Variants in PCSK5 observed in about 807,000 individuals in gnomAD.
PCSK5 encodes the protein proprotein convertase subtilisin/kexin type 5.
PCSK5 carries 129 observed loss-of-function variants against 233.2 expected under a neutral mutation model. That is an observed-to-expected ratio of 0.55 (90% CI 0.48 to 0.64). The LOEUF is 0.64. Ranked by LOEUF, PCSK5 falls within the 30% of genes least tolerant of loss-of-function variation. The pLI is 0.00. For missense variants in PCSK5, 2,076 were observed against 2,430.1 expected (o/e 0.85, Z 3.06); for synonymous variants, 825 against 879.2 (o/e 0.94, Z 1.09).
intron 30 of PCSK5, among the ~76,000 whole-genome samples, chr9:76,312,673 A>G (rs1828897918): frequency 6.6e-6 from 1 of 152,212 alleles, no homozygotes; most frequent in Non-Finnish European, 1.5e-5. Flanking sequence ...AATCTAGTGT[A>G]GAAAGCCAAG....
chr9:76,213,609 G>A (rs1450268979), intron 20 of PCSK5, among the ~76,000 whole-genome samples: 1 of 151,974 alleles, frequency 6.6e-6, no homozygotes, highest in African/African-American at 2.4e-5. Context: ...AGTCTCCCTT[G>A]ACCAGGGTGA....
intron 8 of PCSK5, among the ~76,000 whole-genome samples, chr9:76,104,822 C>T (rs1352258876): frequency 9.1e-6 from 1 of 109,340 alleles, no homozygotes; most frequent in Non-Finnish European, 1.9e-5. Context: ...AAAACTTGGA[C>T]AAAGGAATGT....
chr9:76,222,114 A>G (rs1825746492), intron 20 of PCSK5, among the ~76,000 whole-genome samples: 1 of 152,118 alleles, frequency 6.6e-6, no homozygotes, highest in East Asian at 1.9e-4. Context: ...CATCTGCCAG[A>G]TGTCTCCCTT....
At chr9:76,262,866 G>A (rs1268008748) in intron 24 of PCSK5, among the ~76,000 whole-genome samples, 14 of 151,408 alleles carry the variant, frequency 9.2e-5, no homozygotes, top group South Asian at 6.3e-4. Flanking sequence ...GGAAATTTTC[G>A]CAACCTGCTC....
chr9:75,912,048 A>C (rs992788889), intron 1 of PCSK5, among the ~76,000 whole-genome samples: 2 of 152,172 alleles, frequency 1.3e-5, no homozygotes, highest in Non-Finnish European at 2.9e-5. Context: ...TAAGTCAGAT[A>C]GTGGTAAGTG....
At chr9:75,962,865 G>A (rs1209967820) in intron 2 of PCSK5, among the ~76,000 whole-genome samples, 1 of 152,164 alleles carries the variant, frequency 6.6e-6, no homozygotes, top group African/African-American at 2.4e-5. Flanking sequence ...ACCCAGAGCT[G>A]GTCCCCTCTT....
chr9:75,952,553 A>C (rs1423098532), intron 2 of PCSK5, among the ~76,000 whole-genome samples: 1 of 152,220 alleles, frequency 6.6e-6, no homozygotes, highest in Non-Finnish European at 1.5e-5. Context: ...CTACTACCAC[A>C]GTCAAGACAA....
intron 5 of PCSK5, among the ~76,000 whole-genome samples, chr9:76,030,439 G>A (rs1323207423): frequency 1.3e-5 from 2 of 152,098 alleles, no homozygotes; most frequent in Non-Finnish European, 2.9e-5. Context: ...CACAGTCAAA[G>A]ACACAATTGA....
At chr9:76,286,675 G>GAACATGGCAAGGCAATGTTCACC (rs1346237081) in intron 24 of PCSK5, 1 of 161,096 alleles carries the variant, frequency 6.2e-6, no homozygotes, top group African/African-American at 2.4e-5. Context: ...AATAGCAGTT[G>GAACATGGCAAGGCAATGTTCACC]AACATGGCAA....
At chr9:75,995,625 G>C (rs1826981824) in intron 3 of PCSK5, among the ~76,000 whole-genome samples, 3 of 152,000 alleles carry the variant, frequency 2.0e-5, no homozygotes, top group Non-Finnish European at 4.4e-5. Context: ...ATTTACAACT[G>C]TCCTGCTTGG....
At chr9:76,027,514 TAGA>T (rs1352105369) in intron 5 of PCSK5, among the ~76,000 whole-genome samples, 2 of 152,162 alleles carry the variant, frequency 1.3e-5, no homozygotes, top group Non-Finnish European at 2.9e-5. Flanking sequence ...CTGAAATACC[TAGA>T]AGGATTATTG....
intron 5 of PCSK5, among the ~76,000 whole-genome samples, chr9:76,031,838 G>A (rs1218965099): frequency 6.6e-6 from 1 of 152,074 alleles, no homozygotes; most frequent in Non-Finnish European, 1.5e-5. Context: ...TAAATAACTA[G>A]TTAAAAATTA....
intron 4 of PCSK5, among the ~76,000 whole-genome samples, chr9:76,025,131 C>G (rs184557199): frequency 6.6e-6 from 1 of 152,006 alleles, no homozygotes; most frequent in Admixed American, 6.6e-5. Context: ...CTTGATTTCC[C>G]GAAACATTTC....
At chr9:75,977,542 G>A (rs763169241) in intron 2 of PCSK5, among the ~76,000 whole-genome samples, 14 of 147,898 alleles carry the variant, frequency 9.5e-5, no homozygotes, top group Admixed American at 2.7e-4. Context: ...ATTTCCTCCC[G>A]TCTTACCAGT....
At chr9:75,966,036 G>A (rs185194780) in intron 2 of PCSK5, among the ~76,000 whole-genome samples, 501 of 152,290 alleles carry the variant, frequency 3.3e-3, no homozygotes, top group Non-Finnish European at 5.9e-3. Flanking sequence ...AGGTAGACAA[G>A]TCCAGTGCAA....
At chr9:76,157,975 G>A (rs1822673727) in intron 11 of PCSK5, among the ~76,000 whole-genome samples, 1 of 152,156 alleles carries the variant, frequency 6.6e-6, no homozygotes, top group Non-Finnish European at 1.5e-5. Context: ...TTTGAAAAAT[G>A]TGGAAATGGA....
intron 28 of PCSK5, among the ~76,000 whole-genome samples, chr9:76,308,436 A>G (rs908916170): frequency 2.6e-5 from 4 of 152,210 alleles, no homozygotes; most frequent in African/African-American, 9.6e-5. Flanking sequence ...TTGATAATCA[A>G]TTGCAAATGA....
At chr9:76,171,557 G>A (rs540068229) in intron 13 of PCSK5, among the ~76,000 whole-genome samples, 1 of 152,280 alleles carries the variant, frequency 6.6e-6, no homozygotes, top group African/African-American at 2.4e-5. Context: ...GGTTAACCAT[G>A]CATTGCATCT....
intron 1 of PCSK5, among the ~76,000 whole-genome samples, chr9:75,901,614 A>T (rs1234813586): frequency 6.8e-6 from 1 of 146,368 alleles, no homozygotes; most frequent in African/African-American, 2.6e-5. Flanking sequence ...TTCTGCACAT[A>T]TATCCCAGAA....
Sources: allele counts gnomAD v4.1 joint callset (sites outside exome capture counted in the v4.1 genomes callset), GRCh38; gene constraint gnomAD v4.1.1; transcripts MANE v1.5; gene names NCBI Gene and HGNC (gene_info 2026-07-23, HGNC 2026-07-21).